Variants in WASHC4 observed in about 807,000 individuals in gnomAD.
WASHC4 encodes the protein WASH complex subunit 7.
A neutral mutation model predicts 166.6 loss-of-function variants in WASHC4; 86 were observed. The ratio of observed to expected loss-of-function variants is 0.52; its 90% CI spans 0.43 to 0.62. The LOEUF is 0.62. Ranked by LOEUF, WASHC4 falls within the 20% of genes least tolerant of loss-of-function variation. The pLI is 0.00. For missense variants in WASHC4, 1,262 were observed against 1,382.4 expected (o/e 0.91, Z 1.38); for synonymous variants, 446 against 451.6 (o/e 0.99, Z 0.16).
Position 105,156,872 on chromosome 12 carries a change from T to G in WASHC4, c.2825+80T>G. ...CATTAAATATATGTTACAAGTGATATTGTAGATAAGGTGTTTGTTCTTGAT... is the reference window on the plus strand; with the variant it reads ...CATTAAATATATGTTACAAGTGATAGTGTAGATAAGGTGTTTGTTCTTGAT... On this transcript the variant is annotated intron_variant, in intron 27 of 32. Transcript: ENST00000332180. 3 of 989,540 alleles carry G rather than the reference T, an allele frequency of 3.0e-6. No homozygotes were observed. In the South Asian group the frequency reaches 3.8e-5, roughly 13 times the overall value. 61.3% of individuals were successfully genotyped at this position (989,540 alleles called of 1,614,324 possible).
intron 12 of WASHC4, among the ~76,000 whole-genome samples, chr12:105,126,829 G>A (rs1351661431): frequency 6.6e-6 from 1 of 151,886 alleles, no homozygotes; most frequent in Non-Finnish European, 1.5e-5. Flanking sequence ...GAAACTAAAA[G>A]ACATGAAGAT....
At chr12:105,136,210 G>T (rs752432175) in intron 14 of WASHC4, among the ~76,000 whole-genome samples, 3 of 152,136 alleles carry the variant, frequency 2.0e-5, no homozygotes, top group Non-Finnish European at 1.5e-5. Flanking sequence ...GCTCCGATGA[G>T]CCCCAAGCTC....
chr12:105,156,930 T>C (rs903841820), intron 27 of WASHC4, 138 bp downstream of exon 27: 2 of 732,040 alleles, frequency 2.7e-6, no homozygotes, highest in African/African-American at 1.8e-5. Flanking sequence ...AGAAAACTAT[T>C]AATTCTACTA....
chr12:105,149,761 A>G lies in WASHC4; in HGVS notation c.2649+12A>G, dbSNP rs763524915. ...AAAATGATCATAAGGTAGGCTACCTATTCTTTTTAAGGTATTTGATTAAGC... is the reference window on the plus strand; with the variant it reads ...AAAATGATCATAAGGTAGGCTACCTGTTCTTTTTAAGGTATTTGATTAAGC... On this transcript the variant is annotated intron_variant, in intron 25 of 32. Coordinates refer to ENST00000332180, the MANE Select transcript of WASHC4 (RefSeq NM_015275.3). The G allele has an allele frequency of 6.9e-6, 11 of 1,587,808 alleles. No homozygotes were observed. In the Admixed American group the frequency reaches 1.4e-4, roughly 20 times the overall value.
chr12:105,135,457 GTT>G (rs1415746361), intron 14 of WASHC4, among the ~76,000 whole-genome samples: 1 of 150,018 alleles, frequency 6.7e-6, no homozygotes, highest in Non-Finnish European at 1.5e-5. Flanking sequence ...GGCTTCCTTT[GTT>G]TTTGTTAAGA....
intron 32 of WASHC4, among the ~76,000 whole-genome samples, chr12:105,165,703 A>G (rs183970834): frequency 6.6e-6 from 1 of 152,300 alleles, no homozygotes; most frequent in Non-Finnish European, 1.5e-5. Context: ...TAGACCACTT[A>G]CGTGAACTAC....
intron 9 of WASHC4, 48 bp from the exon 10 acceptor site, chr12:105,122,070 A>T: frequency 7.2e-7 from 1 of 1,382,096 alleles, no homozygotes; most frequent in Non-Finnish European, 1.0e-6. Flanking sequence ...TTTTTAATTT[A>T]AGAATTTATT....
chr12:105,154,321 G>A (rs1035747951), intron 26 of WASHC4, among the ~76,000 whole-genome samples: 2 of 152,238 alleles, frequency 1.3e-5, no homozygotes, highest in South Asian at 2.1e-4. Context: ...GAGCCACTGC[G>A]CCCGGCCAAT....
intron 2 of WASHC4, among the ~76,000 whole-genome samples, chr12:105,111,747 A>T (rs749341768): frequency 3.9e-5 from 6 of 152,176 alleles, no homozygotes; most frequent in African/African-American, 7.2e-5. Flanking sequence ...TATAAAATAC[A>T]TTACTCTTTC....
chr12:105,124,436 G>A (rs930542904), intron 10 of WASHC4, among the ~76,000 whole-genome samples: 14 of 151,806 alleles, frequency 9.2e-5, no homozygotes, highest in African/African-American at 3.4e-4. Context: ...TGTGAGGTGT[G>A]CCTGTATTGT....
intron 18 of WASHC4, among the ~76,000 whole-genome samples, chr12:105,141,472 A>C (rs1882844443): frequency 6.6e-6 from 1 of 152,234 alleles, no homozygotes; most frequent in Non-Finnish European, 1.5e-5. Flanking sequence ...CATGAGAAAA[A>C]GCAGTGCAAC....
At chr12:105,150,284 ATTT>A (rs75368205) in intron 25 of WASHC4, among the ~76,000 whole-genome samples, 17,376 of 152,130 alleles carry the variant, frequency 0.11, 1,075 homozygotes, top group East Asian at 0.23. Flanking sequence ...GTTGACCATT[ATTT>A]AGGTTTTTCT....
chr12:105,160,083 G>C lies in WASHC4; in HGVS notation c.2995G>C (p.Ala999Pro). The stretch of plus-strand genomic sequence containing the variant: ...TTTCAAAATGCTTGTAGACGTTTTT[G>C]CTCCAGAATTTCGAAGGCCAAAGAA... ...EYFKMLVDVFAPEFRRPKNIH... is the reference protein window; with the variant it reads ...EYFKMLVDVFPPEFRRPKNIH... The change falls in exon 29 of 33, where the codon GCT becomes CCT. Residue 999 changes from alanine to proline, a missense_variant. Ala to Pro is a conservative substitution (Grantham distance 27). Transcript: ENST00000332180. 6.2e-7 allele frequency: 1 copy of C among 1,613,622 alleles called. No homozygotes were observed. The highest frequency in any genetic ancestry group is 8.5e-7 in the Non-Finnish European group (1 of 1,179,584).
At chr12:105,149,188 GT>G in intron 24 of WASHC4, 1 of 985,322 alleles carries the variant, frequency 1.0e-6, no homozygotes, top group Non-Finnish European at 1.2e-6. Context: ...CTTCAGGAAG[GT>G]TCAGAGAACA....
intron 4 of WASHC4, among the ~76,000 whole-genome samples, 172 bp downstream of exon 4, chr12:105,114,599 C>G (rs909745672): frequency 4.6e-5 from 7 of 151,934 alleles, no homozygotes; most frequent in Non-Finnish European, 1.0e-4. Context: ...GTACAAAACA[C>G]CAGGCTAACA....
At chr12:105,159,707 T>C (rs1884376317) in intron 28 of WASHC4, among the ~76,000 whole-genome samples, 1 of 152,112 alleles carries the variant, frequency 6.6e-6, no homozygotes, top group Non-Finnish European at 1.5e-5. Context: ...AGAGGAAATA[T>C]TTACAATGAA....
intron 22 of WASHC4, among the ~76,000 whole-genome samples, chr12:105,145,459 TA>T (rs1176950030): frequency 2.6e-5 from 4 of 152,056 alleles, no homozygotes; most frequent in Non-Finnish European, 5.9e-5. Context: ...TATTCAGTTC[TA>T]AAATTTGAGG....
At chr12:105,127,663 G>A (rs1393776711) in intron 13 of WASHC4, among the ~76,000 whole-genome samples, 2 of 152,108 alleles carry the variant, frequency 1.3e-5, no homozygotes, top group African/African-American at 4.8e-5. Context: ...TTTTCTTGAT[G>A]TGCTTCCTTT....
At chr12:105,157,678 T>G (rs909807539) in intron 28 of WASHC4, among the ~76,000 whole-genome samples, 5 of 152,214 alleles carry the variant, frequency 3.3e-5, no homozygotes, top group African/African-American at 9.6e-5. Context: ...TTCTTTTTAC[T>G]TTTTAAAATA....
Sources: gnomAD v4.1 joint callset for allele counts (sites outside exome capture counted in the v4.1 genomes callset) on GRCh38, gnomAD v4.1.1 for gene constraint, MANE v1.5 for transcripts, NCBI Gene and HGNC (gene_info 2026-07-23, HGNC 2026-07-21) for gene names.